Variants in MECOM observed in about 807,000 individuals in gnomAD.
MECOM encodes the protein histone-lysine N-methyltransferase MECOM.
MECOM carries 13 observed loss-of-function variants against 116.3 expected under a neutral mutation model. The ratio of observed to expected loss-of-function variants is 0.11; its 90% CI spans 0.07 to 0.18. The LOEUF (loss-of-function observed/expected upper bound fraction) is 0.18, where lower values mean the gene tolerates loss of function less well. Ranked by LOEUF, MECOM falls within the 10% of genes least tolerant of loss-of-function variation. The pLI, the probability that MECOM is intolerant of heterozygous loss-of-function variation, is 1.00. For synonymous variants in MECOM, 528 were observed against 535.2 expected (o/e 0.99, Z 0.19); for missense variants, 1,299 against 1,509.0 (o/e 0.86, Z 2.31).
intron 2 of MECOM, among the ~76,000 whole-genome samples, chr3:169,176,682 C>T (rs142611533): frequency 0.023 from 3,551 of 152,126 alleles, 58 homozygotes; most frequent in Middle Eastern, 0.038. Context: ...GAACAGGCAA[C>T]CTACAGAATG....
chr3:169,118,724 TAA>T (rs11359363), intron 7 of MECOM, among the ~76,000 whole-genome samples: 14,195 of 150,852 alleles, frequency 0.094, 840 homozygotes, highest in South Asian at 0.19. Flanking sequence ...TCAGATGGCT[TAA>T]AAAAAAAAAA....
intron 1 of MECOM, among the ~76,000 whole-genome samples, chr3:169,584,361 A>C (rs6444863): frequency 0.59 from 88,028 of 150,466 alleles, 26,610 homozygotes; most frequent in East Asian, 0.72. Flanking sequence ...GTCTGGAGAT[A>C]GAGACCATCT....
At chr3:169,605,961 G>A (rs758062326) in intron 1 of MECOM, among the ~76,000 whole-genome samples, 26 of 152,258 alleles carry the variant, frequency 1.7e-4, no homozygotes, top group Non-Finnish European at 3.7e-4. Flanking sequence ...ACTCTGTAAA[G>A]AAACCAGAAC....
intron 2 of MECOM, among the ~76,000 whole-genome samples, chr3:169,369,881 T>C (rs191835047): frequency 2.0e-4 from 31 of 152,170 alleles, no homozygotes; most frequent in Non-Finnish European, 3.5e-4. Context: ...AATACACATT[T>C]GTTATTATAT....
In MECOM at chr3:169,349,318, A is replaced by G. The variant is rs540098084; in HGVS notation, c.375+31869T>C. Among the ~76,000 whole-genome samples the G allele has an allele frequency of 7.9e-5, 12 of 151,788 alleles. 1 individual carries two copies. In the South Asian group the frequency reaches 2.5e-3, roughly 32 times the overall value. On this transcript the variant is annotated intron_variant, in intron 2 of 16. Coordinates refer to ENST00000651503, the MANE Select transcript of MECOM (RefSeq NM_004991.4). ...GCCTAGTAGAAATTTTCTACTGTGG[A>G]GAGTGAAAACAGGACGATACTATTA...
chr3:169,589,793 C>T (rs1766189954), intron 1 of MECOM, among the ~76,000 whole-genome samples: 1 of 152,156 alleles, frequency 6.6e-6, no homozygotes. Context: ...ATCTATCTGC[C>T]TACAAACCTA....
chr3:169,487,674 G>A (rs184934763), intron 1 of MECOM, among the ~76,000 whole-genome samples: 1 of 151,646 alleles, frequency 6.6e-6, no homozygotes, highest in East Asian at 1.9e-4. Context: ...AATCCAAACA[G>A]ATCTCTAATC....
chr3:169,173,500 G>T (rs55780143), intron 2 of MECOM, among the ~76,000 whole-genome samples: 13,184 of 152,102 alleles, frequency 0.087, 648 homozygotes, highest in South Asian at 0.2. Context: ...ATTCAGTCTG[G>T]CAACTCTGAA....
intron 2 of MECOM, among the ~76,000 whole-genome samples, chr3:169,183,607 C>T (rs944105752): frequency 2.0e-5 from 3 of 151,992 alleles, no homozygotes; most frequent in Non-Finnish European, 4.4e-5. Context: ...GTCATATGAA[C>T]TGAGCAGCTC....
intron 1 of MECOM, among the ~76,000 whole-genome samples, chr3:169,406,335 T>C (rs185696032): frequency 3.0e-4 from 45 of 152,332 alleles, no homozygotes; most frequent in African/African-American, 9.1e-4. Context: ...ATCTATTTCC[T>C]CATCTGTAAA....
intron 1 of MECOM, among the ~76,000 whole-genome samples, chr3:169,527,804 G>A (rs1483959140): frequency 6.6e-6 from 1 of 152,092 alleles, no homozygotes; most frequent in Non-Finnish European, 1.5e-5. Context: ...ACTGGAAAAA[G>A]ATATGTGAGA....
chr3:169,519,787 G>A (rs527826665), intron 1 of MECOM, among the ~76,000 whole-genome samples: 1 of 152,306 alleles, frequency 6.6e-6, no homozygotes, highest in South Asian at 2.1e-4. Flanking sequence ...CTTGATTTTT[G>A]ACTGCTCAGC....
chr3:169,293,629 C>G (rs1221642644), intron 2 of MECOM, among the ~76,000 whole-genome samples: 1 of 152,192 alleles, frequency 6.6e-6, no homozygotes, highest in Non-Finnish European at 1.5e-5. Flanking sequence ...TCTTTATCCC[C>G]TTCCTCATCT....
intron 1 of MECOM, among the ~76,000 whole-genome samples, chr3:169,636,778 G>A (rs149495479): frequency 3.3e-4 from 50 of 152,248 alleles, no homozygotes; most frequent in African/African-American, 7.5e-4. Context: ...TGGGACATCC[G>A]TCCACGAGAA....
At chr3:169,327,531 G>C (rs771670675) in intron 2 of MECOM, among the ~76,000 whole-genome samples, 2 of 151,458 alleles carry the variant, frequency 1.3e-5, no homozygotes, top group African/African-American at 2.4e-5. Flanking sequence ...TCAGTCACTC[G>C]GGAGGCTGAG....
intron 7 of MECOM, among the ~76,000 whole-genome samples, chr3:169,116,967 G>GAT (rs1729359248): frequency 6.6e-6 from 1 of 151,824 alleles, no homozygotes; most frequent in Admixed American, 6.6e-5. Context: ...CATATATATA[G>GAT]ATATATATAT....
intron 2 of MECOM, chr3:169,147,489 GCTCCT>G (rs1740269021): frequency 3.0e-6 from 3 of 985,358 alleles, no homozygotes; most frequent in Admixed American, 1.2e-4. Context: ...AGCCAGACGG[GCTCCT>G]CTTTTAAATT....
At chr3:169,191,426 T>C (rs1430873730) in intron 2 of MECOM, among the ~76,000 whole-genome samples, 1 of 151,862 alleles carries the variant, frequency 6.6e-6, no homozygotes, top group Middle Eastern at 3.4e-3. Flanking sequence ...CAGGTCTACG[T>C]TGAGACCTAA....
At chr3:169,297,916 T>C (rs966530931) in intron 2 of MECOM, among the ~76,000 whole-genome samples, 1 of 152,094 alleles carries the variant, frequency 6.6e-6, no homozygotes. Flanking sequence ...AGAAACAGAG[T>C]AGGAGAAGTG....
Sources: gnomAD v4.1 joint callset for allele counts (sites outside exome capture counted in the v4.1 genomes callset) on GRCh38, gnomAD v4.1.1 for gene constraint, MANE v1.5 for transcripts, NCBI Gene and HGNC (gene_info 2026-07-23, HGNC 2026-07-21) for gene names.